The following GALNT17 variants were observed in gnomAD, a reference collection of about 807,000 sequenced individuals.
GALNT17 encodes the protein UDP-GalNAc:polypeptide N-acetylgalactosaminyltransferase-like 3.
GALNT17 carries 29 observed loss-of-function variants against 63.7 expected under a neutral mutation model. The observed-to-expected ratio is 0.46, with a 90% CI of 0.34 to 0.62. The LOEUF (loss-of-function observed/expected upper bound fraction) is 0.62. GALNT17 is among the 20% of genes least tolerant of loss of function. The pLI is 0.01. For missense variants in GALNT17, 603 were observed against 799.6 expected, an observed-to-expected ratio of 0.75 and a Z score of 2.97; for synonymous variants, 305 against 318.3, an observed-to-expected ratio of 0.96 and a Z score of 0.45.
intron 1 of GALNT17, among the ~76,000 whole-genome samples, chr7:71,154,882 G>A (rs897593478): frequency 6.6e-5 from 10 of 151,742 alleles, no homozygotes; most frequent in Admixed American, 3.9e-4. Context: ...GGCCACAATA[G>A]CTAACATTTA....
intron 6 of GALNT17, among the ~76,000 whole-genome samples, chr7:71,655,168 G>A (rs979390385): frequency 3.3e-4 from 50 of 152,212 alleles, no homozygotes; most frequent in African/African-American, 1.1e-3. Flanking sequence ...GGCAGGAGGA[G>A]TGCTTGAGCC....
intron 6 of GALNT17, among the ~76,000 whole-genome samples, chr7:71,606,120 T>A (rs1478492634): frequency 1.3e-3 from 35 of 26,126 alleles, no homozygotes; most frequent in African/African-American, 4.3e-3. Flanking sequence ...TTGTATTTTT[T>A]TTTTTTTTTT....
Position 71,138,502 on chromosome 7 carries a change from C to G in GALNT17, c.238+5462C>G, listed in dbSNP as rs1309573809. Among the ~76,000 whole-genome samples, 4 of 151,928 alleles carry G rather than the reference C, an allele frequency of 2.6e-5. No individual in the cohort carries two copies. The East Asian group carries it at 7.7e-4, about 29-fold the overall frequency. On this transcript the variant is annotated intron_variant, in intron 1 of 10. Coordinates refer to ENST00000333538, the MANE Select transcript of GALNT17 (RefSeq NM_022479.3). ...GAAAAAAATCTATGTACAGGTGGAC[C>G]CACGCAGTTCAGACCCTTGTTGTTC...
At chr7:71,472,722 A>C (rs2116619135) in intron 5 of GALNT17, among the ~76,000 whole-genome samples, 1 of 152,294 alleles carries the variant, frequency 6.6e-6, no homozygotes, top group East Asian at 1.9e-4. Context: ...AAAATAAATA[A>C]AAATTAAAAA....
chr7:71,635,206 C>CA (rs35340202), intron 6 of GALNT17, among the ~76,000 whole-genome samples: 91,330 of 124,278 alleles, frequency 0.73, 32,072 homozygotes, highest in South Asian at 0.83. Context: ...GACTCCGTCT[C>CA]AAAAAAAAAA....
chr7:71,706,915 G>A (rs755774817), intron 9 of GALNT17, among the ~76,000 whole-genome samples: 12 of 152,166 alleles, frequency 7.9e-5, no homozygotes, highest in Non-Finnish European at 1.5e-4. Flanking sequence ...TCTGGAGGAG[G>A]TGGGGTTCTC....
At chr7:71,332,151 A>G (rs939057310) in intron 1 of GALNT17, among the ~76,000 whole-genome samples, 4 of 152,144 alleles carry the variant, frequency 2.6e-5, no homozygotes, top group Non-Finnish European at 5.9e-5. Flanking sequence ...GTAATCTTAA[A>G]TGGCAATTCT....
intron 1 of GALNT17, among the ~76,000 whole-genome samples, chr7:71,263,339 G>A (rs1001003625): frequency 5.3e-5 from 8 of 151,894 alleles, no homozygotes; most frequent in Non-Finnish European, 8.8e-5. Flanking sequence ...AGCCTTGGCC[G>A]CAGAGCGAGA....
At chr7:71,594,452 G>C (rs1789858035) in intron 6 of GALNT17, among the ~76,000 whole-genome samples, 1 of 152,008 alleles carries the variant, frequency 6.6e-6, no homozygotes, top group Admixed American at 6.6e-5. Context: ...ACCACACCTG[G>C]CTAATGTTTG....
intron 5 of GALNT17, among the ~76,000 whole-genome samples, chr7:71,553,108 T>A (rs1789107319): frequency 6.6e-6 from 1 of 152,112 alleles, no homozygotes; most frequent in African/African-American, 2.4e-5. Flanking sequence ...GCGGATTGCC[T>A]GAGCTCAGAA....
intron 6 of GALNT17, among the ~76,000 whole-genome samples, chr7:71,575,732 A>G (rs2116887583): frequency 6.6e-6 from 1 of 152,156 alleles, no homozygotes; most frequent in East Asian, 1.9e-4. Flanking sequence ...TGATCTTTCT[A>G]ACTAGTCTTT....
chr7:71,611,729 T>A (rs1021185373), intron 6 of GALNT17, among the ~76,000 whole-genome samples: 9 of 152,032 alleles, frequency 5.9e-5, no homozygotes, highest in African/African-American at 1.9e-4. Flanking sequence ...TCTAGTGCCA[T>A]GAAAATGCTA....
intron 5 of GALNT17, among the ~76,000 whole-genome samples, chr7:71,570,980 A>G (rs1789431509): frequency 6.6e-6 from 1 of 152,252 alleles, no homozygotes; most frequent in East Asian, 1.9e-4. Flanking sequence ...CTCCGACTCA[A>G]AACAAAAACA....
chr7:71,558,774 G>A (rs1031206875), intron 5 of GALNT17, among the ~76,000 whole-genome samples: 1 of 152,164 alleles, frequency 6.6e-6, no homozygotes, highest in Non-Finnish European at 1.5e-5. Flanking sequence ...ATTATCCCGA[G>A]AAAATTGCTT....
At chr7:71,405,936 G>A (rs538132139) in intron 3 of GALNT17, among the ~76,000 whole-genome samples, 102 of 152,162 alleles carry the variant, frequency 6.7e-4, no homozygotes, top group Admixed American at 2.2e-3. Context: ...GGGGTCGATC[G>A]TGCCTTTACC....
At chr7:71,499,804 T>C (rs1788152043) in intron 5 of GALNT17, among the ~76,000 whole-genome samples, 1 of 152,188 alleles carries the variant, frequency 6.6e-6, no homozygotes, top group Non-Finnish European at 1.5e-5. Flanking sequence ...AAATCTCATC[T>C]TAAATTGTAG....
intron 2 of GALNT17, among the ~76,000 whole-genome samples, chr7:71,356,820 C>T (rs571865411): frequency 6.6e-6 from 1 of 152,268 alleles, no homozygotes; most frequent in African/African-American, 2.4e-5. Flanking sequence ...CTCACTGTGT[C>T]ACCCAGGCTG....
chr7:71,563,731 G>A (rs1481061256), intron 5 of GALNT17, among the ~76,000 whole-genome samples: 2 of 151,884 alleles, frequency 1.3e-5, no homozygotes, highest in Admixed American at 6.6e-5. Flanking sequence ...GGCACATGCC[G>A]CCACACCTGA....
intron 5 of GALNT17, among the ~76,000 whole-genome samples, chr7:71,523,398 C>T (rs1367487195): frequency 7.9e-5 from 12 of 152,104 alleles, no homozygotes; most frequent in African/African-American, 2.9e-4. Flanking sequence ...CACTGCACTC[C>T]AGCATGGGTG....
Sources: gnomAD v4.1 joint callset for allele counts (sites outside exome capture counted in the v4.1 genomes callset) on GRCh38, gnomAD v4.1.1 for gene constraint, MANE v1.5 for transcripts, NCBI Gene and HGNC (gene_info 2026-07-23, HGNC 2026-07-21) for gene names.